ANKFN1: variants seen among roughly 807,000 people sequenced by gnomAD.
ANKFN1 encodes the protein ankyrin repeat and fibronectin type-III domain-containing protein 1.
In ANKFN1, 74 loss-of-function variants were observed where a neutral mutation model predicts 108.7. The observed-to-expected ratio is 0.68, with a 90% CI of 0.56 to 0.83. The LOEUF (loss-of-function observed/expected upper bound fraction) is 0.83, where lower values mean the gene tolerates loss of function less well. Ranked by LOEUF, ANKFN1 falls within the 40% of genes least tolerant of loss-of-function variation. ANKFN1 has a pLI of 0.00. For missense variants in ANKFN1, 1,505 were observed against 1,382.3 expected, an observed-to-expected ratio of 1.09 and a Z score of -1.41; for synonymous variants, 547 against 516.2, an observed-to-expected ratio of 1.06 and a Z score of -0.81.
intron 1 of ANKFN1, among the ~76,000 whole-genome samples, chr17:56,189,194 G>T (rs554586005): frequency 9.0e-5 from 3 of 33,272 alleles, no homozygotes; most frequent in South Asian, 1.7e-3. Flanking sequence ...TTTTTGAGAC[G>T]GAGTCTCGCT....
chr17:56,415,751 G>T (rs1448328451), intron 8 of ANKFN1, among the ~76,000 whole-genome samples: 2 of 152,022 alleles, frequency 1.3e-5, no homozygotes, highest in Non-Finnish European at 2.9e-5. Context: ...ACCCTGTATA[G>T]CCAAAGCTAT....
intron 4 of ANKFN1, among the ~76,000 whole-genome samples, chr17:56,061,883 T>C (rs553369622): frequency 2.6e-5 from 4 of 152,312 alleles, no homozygotes; most frequent in Non-Finnish European, 2.9e-5. Context: ...TGCTGTAAGT[T>C]TCCCTCAACA....
intron 8 of ANKFN1, among the ~76,000 whole-genome samples, chr17:56,406,904 G>A (rs1047749579): frequency 1.3e-5 from 2 of 152,134 alleles, no homozygotes; most frequent in African/African-American, 4.8e-5. Context: ...TTCTGAAACT[G>A]CCATGGTTCA....
chr17:56,388,890 G>A (rs576948088), intron 8 of ANKFN1, among the ~76,000 whole-genome samples: 9 of 151,434 alleles, frequency 5.9e-5, no homozygotes, highest in Admixed American at 2.0e-4. Context: ...GTAACAAAGC[G>A]TTTTAATATA....
chr17:56,170,843 CAT>C (rs371806147), intron 1 of ANKFN1, among the ~76,000 whole-genome samples: 16 of 133,906 alleles, frequency 1.2e-4, no homozygotes, highest in African/African-American at 3.0e-4. Context: ...CATATACACA[CAT>C]ATATATATGT....
At chr17:56,083,381 G>A (rs1229007454) in intron 4 of ANKFN1, among the ~76,000 whole-genome samples, 2 of 151,376 alleles carry the variant, frequency 1.3e-5, no homozygotes, top group Admixed American at 6.6e-5. Flanking sequence ...CTAAGTCAAA[G>A]CATGCTCTAC....
At chr17:56,453,735 T>A (rs2049577121) in intron 11 of ANKFN1, among the ~76,000 whole-genome samples, 1 of 152,206 alleles carries the variant, frequency 6.6e-6, no homozygotes, top group South Asian at 2.1e-4. Flanking sequence ...TAAAGGTGTA[T>A]TTATTCTACT....
intron 2 of ANKFN1, among the ~76,000 whole-genome samples, chr17:56,219,310 G>A (rs551877895): frequency 6.6e-6 from 1 of 152,026 alleles, no homozygotes; most frequent in East Asian, 1.9e-4. Flanking sequence ...TCAGTGGTGT[G>A]ATTTCAGCTC....
rs576944549 is a variant in ANKFN1 at position 56,065,281 on chromosome 17, C to T, written c.288+18956C>T. On this transcript the variant is annotated intron_variant, in intron 4 of 12. Transcript: ENST00000635860. ...AGTTAGGGCCTTGCTCTAGACAAGGCTTTGGCCTAAGGGAATGTTGTCGCT... is the reference window on the plus strand; with the variant it reads ...AGTTAGGGCCTTGCTCTAGACAAGGTTTTGGCCTAAGGGAATGTTGTCGCT... 3.9e-5 allele frequency among the ~76,000 whole-genome samples: 6 copies of T among 152,312 alleles called. No individual in the cohort carries two copies. In the South Asian group the frequency reaches 1.2e-3, roughly 32 times the overall value.
intron 3 of ANKFN1, among the ~76,000 whole-genome samples, chr17:56,314,314 G>A (rs2045133741): frequency 1.3e-5 from 2 of 152,070 alleles, no homozygotes; most frequent in African/African-American, 2.4e-5. Context: ...GAGTCATAAG[G>A]TATATTATAT....
chr17:56,204,513 G>C (rs1340302856), intron 1 of ANKFN1, among the ~76,000 whole-genome samples: 1 of 151,284 alleles, frequency 6.6e-6, no homozygotes, highest in Non-Finnish European at 1.5e-5. Context: ...GCTAATTTTT[G>C]TGTTTTTAGT....
chr17:56,243,814 G>C (rs539542082), intron 3 of ANKFN1, among the ~76,000 whole-genome samples: 33 of 152,168 alleles, frequency 2.2e-4, no homozygotes, highest in African/African-American at 7.2e-4. Context: ...CTGGAATTAG[G>C]TTTAATCTCC....
chr17:56,144,184 A>ACT (rs1405007617), intron 4 of ANKFN1, among the ~76,000 whole-genome samples: 2,170 of 78,246 alleles, frequency 0.028, 390 homozygotes, highest in East Asian at 0.079. Flanking sequence ...AAAAAAAAAA[A>ACT]ACAGCCCAAA....
At chr17:56,229,603 T>TA (rs1232524384) in intron 3 of ANKFN1, among the ~76,000 whole-genome samples, 1 of 138,816 alleles carries the variant, frequency 7.2e-6, no homozygotes, top group Non-Finnish European at 1.5e-5. Flanking sequence ...ACCCACGTGT[T>TA]ACCGCAGGAT....
intron 1 of ANKFN1, among the ~76,000 whole-genome samples, chr17:56,157,037 A>T (rs1010585858): frequency 2.6e-5 from 4 of 152,218 alleles, no homozygotes; most frequent in African/African-American, 9.6e-5. Flanking sequence ...CCAAATAGGA[A>T]AGGCTGGCCT....
intron 1 of ANKFN1, among the ~76,000 whole-genome samples, chr17:56,175,016 C>T (rs114027812): frequency 0.014 from 2,140 of 152,158 alleles, 64 homozygotes; most frequent in African/African-American, 0.05. Context: ...CTGATCACCC[C>T]CACCCACCTT....
chr17:56,244,308 A>G (rs897722270), intron 3 of ANKFN1, among the ~76,000 whole-genome samples: 4 of 152,154 alleles, frequency 2.6e-5, no homozygotes, highest in African/African-American at 7.2e-5. Flanking sequence ...TGGAAAAGGT[A>G]AAGTGAAGAT....
chr17:56,157,105 G>A (rs1258354143), intron 1 of ANKFN1, among the ~76,000 whole-genome samples: 1 of 152,192 alleles, frequency 6.6e-6, no homozygotes, highest in Admixed American at 6.5e-5. Flanking sequence ...CACTGTACTG[G>A]TAGAATATTG....
chr17:56,084,565 C>T (rs1905285166), intron 4 of ANKFN1, among the ~76,000 whole-genome samples: 1 of 151,252 alleles, frequency 6.6e-6, no homozygotes, highest in Non-Finnish European at 1.5e-5. Flanking sequence ...AGCTGTGCTC[C>T]AAAAGCTTTT....
Sources: allele counts gnomAD v4.1 joint callset (sites outside exome capture counted in the v4.1 genomes callset), GRCh38; gene constraint gnomAD v4.1.1; transcripts MANE v1.5; gene names NCBI Gene and HGNC (gene_info 2026-07-23, HGNC 2026-07-21).